The following ZAP70 variants were observed in gnomAD, a reference collection of about 807,000 sequenced individuals.
ZAP70 encodes tyrosine-protein kinase ZAP-70.
A neutral mutation model predicts 65.8 loss-of-function variants in ZAP70; 27 were observed. That is an observed-to-expected ratio of 0.41 (90% CI 0.30 to 0.57). The LOEUF (loss-of-function observed/expected upper bound fraction) is 0.57, where lower values mean the gene tolerates loss of function less well. Among genes scored for constraint, ZAP70 ranks in the 20% least tolerant of loss-of-function variants. The pLI, the probability that ZAP70 is intolerant of heterozygous loss-of-function variation, is 0.28. For missense variants in ZAP70, 696 were observed against 870.5 expected (o/e 0.80, Z 2.52); for synonymous variants, 363 against 360.8 (o/e 1.01, Z -0.07).
At chr2:97,724,915 C>A (rs1367835910) in intron 3 of ZAP70, 177 bp from the exon 4 acceptor site, 1 of 1,533,692 alleles carries the variant, frequency 6.5e-7, no homozygotes, top group Admixed American at 2.0e-5. Context: ...TCCTCCCTAG[C>A]TGGATTGGGG....
chr2:97,733,640 C>A (rs1677716075), intron 8 of ZAP70, 45 bp downstream of exon 8: 1 of 1,611,662 alleles, frequency 6.2e-7, no homozygotes, highest in East Asian at 2.2e-5. Flanking sequence ...TCATGCTGAG[C>A]CGAGATCAGG....
the ZAP70 span, among the ~76,000 whole-genome samples, chr2:97,749,414 A>G: frequency 2.6e-5 from 4 of 152,196 alleles, no homozygotes; most frequent in Admixed American, 6.5e-5. Flanking sequence ...GGACGTTTAT[A>G]GAGCAGGGAC....
At position 97,727,446 on chromosome 2, in the gene ZAP70, AC is replaced by A. The variant is rs574760261; in HGVS notation, c.563+2197del. ...CATGGTGATGGCTGGTCCAGGTATT[AC>A]CCACCTTCCTCCAGATGTTGCATCA... On this transcript the variant is annotated intron_variant, in intron 4 of 13. Coordinates refer to ENST00000264972, the MANE Select transcript of ZAP70 (RefSeq NM_001079.4). Among the ~76,000 whole-genome samples, 488 of 152,162 alleles carry A rather than the reference AC, an allele frequency of 3.2e-3. 6 individuals are homozygous for A. Among genetic ancestry groups the A allele is most frequent in the Middle Eastern group, 0.014 (4 of 294 alleles).
chr2:97,735,185 G>A, intron 9 of ZAP70, 65 bp from the exon 10 acceptor site: 1 of 1,573,878 alleles, frequency 6.4e-7, no homozygotes, highest in Non-Finnish European at 8.7e-7. Context: ...TGGGTGGGTG[G>A]GGGTGTGGGG....
chr2:97,724,610 G>T (rs1432951002), intron 3 of ZAP70, 172 bp downstream of exon 3: 3 of 1,533,912 alleles, frequency 2.0e-6, no homozygotes, highest in Admixed American at 3.9e-5. Context: ...GGCCTCAGAG[G>T]CAGGGGCTCC....
At chr2:97,729,998 A>T (rs13005315) in intron 4 of ZAP70, among the ~76,000 whole-genome samples, 1 of 131,984 alleles carries the variant, frequency 7.6e-6, no homozygotes, top group Non-Finnish European at 1.7e-5. Flanking sequence ...AAGCTGAGGC[A>T]GGCGGATCGT....
At chr2:97,730,557 A>T (rs897513923) in intron 4 of ZAP70, among the ~76,000 whole-genome samples, 2 of 152,020 alleles carry the variant, frequency 1.3e-5, no homozygotes, top group Admixed American at 1.3e-4. Flanking sequence ...TCAATGTTCA[A>T]CCATTTTTCA....
At chr2:97,755,657 T>C in the ZAP70 span, among the ~76,000 whole-genome samples, 1 of 152,234 alleles carries the variant, frequency 6.6e-6, no homozygotes, top group East Asian at 1.9e-4. Context: ...GTGTTGCTGC[T>C]GGTAAGCTCC....
chr2:97,720,237 T>G (rs1487330630), intron 2 of ZAP70, among the ~76,000 whole-genome samples: 2 of 152,090 alleles, frequency 1.3e-5, no homozygotes, highest in African/African-American at 4.8e-5. Flanking sequence ...TTTTGTTTTG[T>G]TTTGTTTTGA....
Position 97,737,352 on chromosome 2 carries a change from A to G in ZAP70, c.1290-121A>G, listed in dbSNP as rs577987403. The G allele has an allele frequency of 3.5e-4, 367 of 1,036,644 alleles. 1 individual carries two copies. The African/African-American group carries it at 5.4e-3, about 15-fold the overall frequency. The allele number at this position is 1,036,644 out of a possible 1,614,324, so 64.2% of individuals were successfully genotyped here. A position where few individuals can be genotyped will look rare whatever the true frequency, so the allele number is the denominator to read the frequency against. Reference sequence around the variant, plus strand: ...ACGCCTGGCACACAGCAGGTGCTCAATAAGCGTTTTTGAACACATGGTCAC... The same window carrying G: ...ACGCCTGGCACACAGCAGGTGCTCAGTAAGCGTTTTTGAACACATGGTCAC... On this transcript the variant is annotated intron_variant, in intron 10 of 13. Transcript: ENST00000264972. The surrounding 1 kb of genome is among the most constrained non-coding windows in gnomAD (Gnocchi z 5.0).
rs76085176 is a variant in ZAP70 at position 97,724,725 on chromosome 2, A to G, written c.402+287A>G. 1.4e-3 allele frequency: 2,128 copies of G among 1,500,392 alleles called. 58 individuals are homozygous for G. In the East Asian group the frequency reaches 0.046, roughly 32 times the overall value. The allele number at this position is 1,500,392 out of a possible 1,614,324, so 92.9% of individuals were successfully genotyped here. ...GGGCCGGGCGAAGGCGAGGCTTGGA[A>G]TGGGGGCGGGGCTGAGAGGAGGGTG... On this transcript the variant is annotated intron_variant, in intron 3 of 13. Coordinates refer to ENST00000264972, the MANE Select transcript of ZAP70 (RefSeq NM_001079.4).
At chr2:97,743,485 G>A (rs1195229564), downstream of ZAP70, among the ~76,000 whole-genome samples, 2 of 152,102 alleles carry the variant, frequency 1.3e-5, no homozygotes, top group East Asian at 1.9e-4. Flanking sequence ...ACAGGCACCC[G>A]CCACCATGCC....
At chr2:97,745,970 G>A in the ZAP70 span, among the ~76,000 whole-genome samples, 3 of 152,288 alleles carry the variant, frequency 2.0e-5, no homozygotes, top group East Asian at 5.8e-4. Context: ...ACATTATCCA[G>A]CTGATGGAAC....
At position 97,735,496 on chromosome 2, in the gene ZAP70, C is replaced by T. The variant is rs199842141; in HGVS notation, c.1289+40C>T. The T allele has an allele frequency of 2.1e-4, 327 of 1,585,550 alleles. 1 individual carries two copies. Among genetic ancestry groups the T allele is most frequent in the Middle Eastern group, 1.1e-3 (6 of 5,656 alleles). ...GGCCCGGCCATCGGGTGGGTGGGGC[C>T]GGGGCCCATCCTGGGCATGGTGGAC... On this transcript the variant is annotated intron_variant, in intron 10 of 13. Transcript: ENST00000264972.
downstream of ZAP70, among the ~76,000 whole-genome samples, chr2:97,743,048 C>T (rs543426473): frequency 6.6e-6 from 1 of 152,310 alleles, no homozygotes; most frequent in South Asian, 2.1e-4. Flanking sequence ...TAGGAAGGGG[C>T]TGTGGTGTTC....
intron 2 of ZAP70, among the ~76,000 whole-genome samples, chr2:97,723,098 A>G (rs1374103400): frequency 1.3e-5 from 2 of 152,246 alleles, no homozygotes; most frequent in East Asian, 3.8e-4. Flanking sequence ...TATCTGCCTT[A>G]CCAGATATCC....
the ZAP70 span, among the ~76,000 whole-genome samples, chr2:97,750,531 A>G: frequency 6.6e-6 from 1 of 152,330 alleles, no homozygotes; most frequent in Non-Finnish European, 1.5e-5. Flanking sequence ...GGTGTGCAGT[A>G]CCATCTAAAA....
Position 97,724,073 on chromosome 2 carries a change from G to A in ZAP70, c.37G>A (p.Gly13Ser). The change falls in exon 3 of 14, where the codon GGC becomes AGC. Residue 13 changes from glycine (G) to serine (S), a missense_variant. Around this residue, in one of 3 missense-constraint regions of ZAP70, gnomAD observed 551 missense variants for 630.0 expected, o/e 0.87. Coordinates refer to ENST00000264972, the MANE Select transcript of ZAP70 (RefSeq NM_001079.4). ...CGCGGCGCACCTGCCCTTCTTCTAC[G>A]GCAGCATCTCGCGTGCCGAGGCCGA... ...DPAAHLPFFY[G>S]SISRAEAEEH... 1 of 1,559,244 alleles carries A rather than the reference G, an allele frequency of 6.4e-7. No homozygotes were observed. The highest frequency in any genetic ancestry group is 8.6e-7 in the Non-Finnish European group (1 of 1,157,248).
chr2:97,732,821 G>T, intron 4 of ZAP70, 62 bp from the exon 5 acceptor site: 1 of 1,608,208 alleles, frequency 6.2e-7, no homozygotes. Flanking sequence ...CGGGGGAACC[G>T]GGGCACAGCA....
Sources: gnomAD v4.1 joint callset for allele counts (sites outside exome capture counted in the v4.1 genomes callset) on GRCh38, gnomAD v4.1.1 for gene constraint, gnomAD v4.1.1 regional missense constraint, Gnocchi (gnomAD v3.1) non-coding constraint, MANE v1.5 for transcripts, NCBI Gene and HGNC (gene_info 2026-07-23, HGNC 2026-07-21) for gene names.